Variants in TMEM132D observed in about 807,000 individuals in gnomAD.
The protein encoded by TMEM132D is mature OL transmembrane protein.
TMEM132D carries 21 observed loss-of-function variants against 62.3 expected under a neutral mutation model. The observed-to-expected ratio is 0.34, with a 90% CI of 0.24 to 0.49. The LOEUF (loss-of-function observed/expected upper bound fraction) is 0.49. TMEM132D is among the 20% of genes least tolerant of loss of function. The pLI is 0.99. For synonymous variants in TMEM132D, 621 were observed against 575.6 expected (o/e 1.08, Z -1.13); for missense variants, 1,346 against 1,402.8 (o/e 0.96, Z 0.65).
chr12:129,426,821 C>A (rs984827345), intron 3 of TMEM132D, among the ~76,000 whole-genome samples: 5 of 152,202 alleles, frequency 3.3e-5, no homozygotes, highest in Non-Finnish European at 7.3e-5. Flanking sequence ...CAAAGTCACA[C>A]AGCTAGGAGG....
At chr12:129,648,808 T>C (rs547965728) in intron 2 of TMEM132D, among the ~76,000 whole-genome samples, 5 of 152,332 alleles carry the variant, frequency 3.3e-5, no homozygotes, top group Admixed American at 6.5e-5. Context: ...TTTCATATGA[T>C]ATGCATTTTC....
intron 5 of TMEM132D, among the ~76,000 whole-genome samples, chr12:129,092,135 G>A (rs556668983): frequency 2.6e-5 from 4 of 152,204 alleles, no homozygotes; most frequent in East Asian, 1.9e-4. Context: ...ACACTGTTCC[G>A]TTATAGGGAT....
At chr12:129,605,587 T>TTTTATATATATATATATATATA (rs1555221320) in intron 2 of TMEM132D, among the ~76,000 whole-genome samples, 1 of 107,384 alleles carries the variant, frequency 9.3e-6, no homozygotes, top group Non-Finnish European at 1.9e-5. Flanking sequence ...AAATTAGGCA[T>TTTTATATATATATATATATATA]TATATATATA....
intron 2 of TMEM132D, among the ~76,000 whole-genome samples, chr12:129,694,573 C>G (rs1478106393): frequency 3.9e-5 from 6 of 152,204 alleles, no homozygotes; most frequent in Admixed American, 3.9e-4. Flanking sequence ...TTGGCCAATC[C>G]CAGTGGCCAT....
At chr12:129,621,019 T>G (rs1879051896) in intron 2 of TMEM132D, among the ~76,000 whole-genome samples, 1 of 152,136 alleles carries the variant, frequency 6.6e-6, no homozygotes, top group East Asian at 1.9e-4. Flanking sequence ...TCAGGTCACA[T>G]CATGCCCAGA....
intron 3 of TMEM132D, among the ~76,000 whole-genome samples, chr12:129,351,176 C>T (rs1041437350): frequency 2.0e-5 from 3 of 152,124 alleles, no homozygotes; most frequent in African/African-American, 7.2e-5. Flanking sequence ...GCCATACTTA[C>T]CTTATAACTG....
intron 5 of TMEM132D, among the ~76,000 whole-genome samples, chr12:129,116,070 C>T (rs1256224327): frequency 6.6e-6 from 1 of 152,190 alleles, no homozygotes; most frequent in African/African-American, 2.4e-5. Flanking sequence ...GCAGGCACCC[C>T]GTGAGACTCC....
rs1248577942 is a variant in TMEM132D at position 129,858,985 on chromosome 12, C to T, written c.79+44276G>A. Among the ~76,000 whole-genome samples, 3 of 96,184 alleles carry T rather than the reference C, an allele frequency of 3.1e-5. No individual in the cohort carries two copies. The South Asian group carries it at 9.5e-4, about 30-fold the overall frequency. 63.1% of individuals were successfully genotyped at this position (96,184 alleles called of 152,430 possible). A position where few individuals can be genotyped will look rare whatever the true frequency, so the allele number is the denominator to read the frequency against. ...GAGTCCGGGGGAACGGGATGGGTGC[C>T]CTTGGAGTCCGGGGGAACGGGATGG... On this transcript the variant is annotated intron_variant, in intron 1 of 8. Coordinates refer to ENST00000422113, the MANE Select transcript of TMEM132D (RefSeq NM_133448.3).
chr12:129,347,736 T>C (rs536399800), intron 3 of TMEM132D, among the ~76,000 whole-genome samples: 3 of 152,268 alleles, frequency 2.0e-5, no homozygotes, highest in South Asian at 4.1e-4. Flanking sequence ...AAAGAGCTTC[T>C]ACACAACAAG....
intron 4 of TMEM132D, among the ~76,000 whole-genome samples, chr12:129,220,089 T>A (rs1167595867): frequency 6.6e-6 from 1 of 152,164 alleles, no homozygotes; most frequent in Non-Finnish European, 1.5e-5. Context: ...CAGTCAGGGA[T>A]GTTAGTTGCA....
At chr12:129,708,755 A>T (rs1056248791) in intron 1 of TMEM132D, among the ~76,000 whole-genome samples, 2 of 152,024 alleles carry the variant, frequency 1.3e-5, no homozygotes, top group African/African-American at 2.4e-5. Context: ...TTTGTCTAAA[A>T]ATCACATTTT....
chr12:129,107,294 C>T (rs1013050909), intron 5 of TMEM132D, among the ~76,000 whole-genome samples: 6 of 152,138 alleles, frequency 3.9e-5, no homozygotes, highest in South Asian at 2.1e-4. Flanking sequence ...TTTTAGAACA[C>T]TGAAATGGAA....
intron 1 of TMEM132D, among the ~76,000 whole-genome samples, chr12:129,831,494 G>A (rs1340759463): frequency 6.6e-6 from 1 of 152,250 alleles, no homozygotes; most frequent in African/African-American, 2.4e-5. Flanking sequence ...CCCGGATGGG[G>A]ATTATGCGGC....
chr12:129,152,188 A>T (rs1036951177), intron 5 of TMEM132D, among the ~76,000 whole-genome samples: 3 of 152,122 alleles, frequency 2.0e-5, no homozygotes, highest in African/African-American at 7.2e-5. Context: ...TGTAGTTTTA[A>T]ATCAACTCAC....
intron 4 of TMEM132D, among the ~76,000 whole-genome samples, chr12:129,264,186 C>T (rs1282004345): frequency 2.0e-5 from 3 of 152,110 alleles, no homozygotes; most frequent in Non-Finnish European, 4.4e-5. Context: ...GCCAGGAGTT[C>T]GAGACCAGCC....
chr12:129,352,147 T>C (rs924506754), intron 3 of TMEM132D, among the ~76,000 whole-genome samples: 29 of 152,302 alleles, frequency 1.9e-4, no homozygotes, highest in African/African-American at 7.0e-4. Flanking sequence ...AGCCTCAAGA[T>C]GTTTATGGGT....
intron 1 of TMEM132D, among the ~76,000 whole-genome samples, chr12:129,755,425 T>C (rs1279701834): frequency 6.6e-6 from 1 of 152,140 alleles, no homozygotes; most frequent in Non-Finnish European, 1.5e-5. Context: ...GGTTGCTGGA[T>C]TAGTGCATTA....
intron 5 of TMEM132D, among the ~76,000 whole-genome samples, chr12:129,190,681 A>G (rs545735071): frequency 6.6e-6 from 1 of 151,660 alleles, no homozygotes; most frequent in Non-Finnish European, 1.5e-5. Context: ...CCCCTAGAAC[A>G]TCCAGAAAAC....
At position 129,605,616 on chromosome 12, in the gene TMEM132D, T is replaced by C. The variant is rs61943516; in HGVS notation, c.969-74411A>G. On this transcript the variant is annotated intron_variant, in intron 2 of 8. Coordinates refer to ENST00000422113, the MANE Select transcript of TMEM132D (RefSeq NM_133448.3). ...ATATATATATATATACACACACATA[T>C]ATATATACACACACACACACACACA... 8.7e-3 allele frequency among the ~76,000 whole-genome samples: 937 copies of C among 107,402 alleles called. 30 individuals carry two copies. The highest frequency in any genetic ancestry group is 0.028 in the African/African-American group (867 of 30,628). 70.5% of individuals were successfully genotyped at this position (107,402 alleles called of 152,430 possible).
Sources: gnomAD v4.1 joint callset for allele counts (sites outside exome capture counted in the v4.1 genomes callset) on GRCh38, gnomAD v4.1.1 for gene constraint, MANE v1.5 for transcripts, NCBI Gene and HGNC (gene_info 2026-07-23, HGNC 2026-07-21) for gene names.